RAB11FIP4: variants seen among roughly 807,000 people sequenced by gnomAD.
RAB11FIP4 encodes RAB11 family interacting protein 4.
RAB11FIP4 carries 23 observed loss-of-function variants against 74.3 expected under a neutral mutation model. The ratio of observed to expected loss-of-function variants is 0.31; its 90% CI spans 0.22 to 0.44. The LOEUF (loss-of-function observed/expected upper bound fraction) is 0.44, where lower values mean the gene tolerates loss of function less well. RAB11FIP4 is among the 20% of genes least tolerant of loss of function. RAB11FIP4 has a pLI of 1.00. For synonymous variants in RAB11FIP4, 360 were observed against 359.9 expected, an observed-to-expected ratio of 1.00 and a Z score of 0.00; for missense variants, 630 against 863.9, an observed-to-expected ratio of 0.73 and a Z score of 3.39.
intron 4 of RAB11FIP4, among the ~76,000 whole-genome samples, chr17:31,518,909 T>C (rs1183568275): frequency 6.6e-6 from 1 of 151,648 alleles, no homozygotes; most frequent in African/African-American, 2.4e-5. Flanking sequence ...CTCACCTCAC[T>C]GCAGCCTCCG....
At chr17:31,426,285 A>G (rs2071248974) in intron 1 of RAB11FIP4, among the ~76,000 whole-genome samples, 1 of 152,198 alleles carries the variant, frequency 6.6e-6, no homozygotes, top group Admixed American at 6.5e-5. Context: ...AATTTAAAAA[A>G]AGGAAAATAA....
At chr17:31,470,199 TG>T (rs2071724776) in intron 3 of RAB11FIP4, among the ~76,000 whole-genome samples, 2 of 152,182 alleles carry the variant, frequency 1.3e-5, no homozygotes, top group East Asian at 3.8e-4. Context: ...GTGACCTCCC[TG>T]GGGTAGCAGA....
intron 1 of RAB11FIP4, among the ~76,000 whole-genome samples, chr17:31,413,631 C>T (rs1352395104): frequency 6.6e-6 from 1 of 152,132 alleles, no homozygotes; most frequent in East Asian, 1.9e-4. Context: ...CCCACACCTG[C>T]TGTGTCAGTT....
chr17:31,524,885 GC>G, intron 9 of RAB11FIP4: 1 of 650,164 alleles, frequency 1.5e-6, no homozygotes, highest in South Asian at 1.9e-5. Flanking sequence ...TGACTGCCAG[GC>G]CTGCCCCTCC....
At chr17:31,459,592 G>A (rs1029926236) in intron 3 of RAB11FIP4, among the ~76,000 whole-genome samples, 20 of 152,058 alleles carry the variant, frequency 1.3e-4, no homozygotes, top group African/African-American at 4.3e-4. Flanking sequence ...CCACTCCCAC[G>A]CCTGATGGGT....
intron 2 of RAB11FIP4, among the ~76,000 whole-genome samples, chr17:31,432,659 C>A (rs1461731819): frequency 2.0e-5 from 3 of 152,160 alleles, no homozygotes; most frequent in African/African-American, 7.2e-5. Context: ...CATGCCCTGC[C>A]CTCTCTTCCT....
At chr17:31,392,114 G>A in intron 1 of RAB11FIP4, 103 bp downstream of exon 1, 1 of 919,402 alleles carries the variant, frequency 1.1e-6, no homozygotes. Flanking sequence ...CGAGGCGGTG[G>A]CCTCCCTCCC....
At chr17:31,490,261 C>G (rs975332800) in intron 3 of RAB11FIP4, among the ~76,000 whole-genome samples, 1 of 152,120 alleles carries the variant, frequency 6.6e-6, no homozygotes, top group Non-Finnish European at 1.5e-5. Flanking sequence ...TCTCTTTGGC[C>G]GTTCACCTGG....
At chr17:31,432,265 G>C (rs998608606) in intron 2 of RAB11FIP4, among the ~76,000 whole-genome samples, 6 of 152,078 alleles carry the variant, frequency 3.9e-5, no homozygotes, top group Admixed American at 2.6e-4. Flanking sequence ...GACCAGGGCA[G>C]TCCTGGGCAA....
chr17:31,493,326 G>C (rs2072048151), intron 3 of RAB11FIP4, among the ~76,000 whole-genome samples: 1 of 152,174 alleles, frequency 6.6e-6, no homozygotes. Context: ...ACCAGAAAGA[G>C]GAAGGCCTAA....
chr17:31,483,599 G>C (rs762043282), intron 3 of RAB11FIP4, among the ~76,000 whole-genome samples: 17 of 152,182 alleles, frequency 1.1e-4, no homozygotes, highest in Non-Finnish European at 2.1e-4. Context: ...TCCCTTTTGC[G>C]AAGTCTCCAC....
chr17:31,397,569 TG>T (rs1327864291), intron 1 of RAB11FIP4, among the ~76,000 whole-genome samples: 3 of 152,128 alleles, frequency 2.0e-5, no homozygotes, highest in South Asian at 4.2e-4. Flanking sequence ...GCAGAAAAGG[TG>T]GGAGTGCCTG....
chr17:31,464,749 CTTTT>C (rs58083480), intron 3 of RAB11FIP4, among the ~76,000 whole-genome samples: 98 of 39,632 alleles, frequency 2.5e-3, no homozygotes, highest in African/African-American at 9.0e-3. Flanking sequence ...CTGTGCCCGG[CTTTT>C]TTTTTTTTTT....
intron 3 of RAB11FIP4, among the ~76,000 whole-genome samples, chr17:31,441,673 G>A (rs535202463): frequency 3.2e-4 from 49 of 151,620 alleles, no homozygotes; most frequent in Non-Finnish European, 6.2e-4. Flanking sequence ...GATTACAGGC[G>A]CCCACGACCA....
intron 3 of RAB11FIP4, among the ~76,000 whole-genome samples, chr17:31,475,813 T>TC (rs2071786105): frequency 6.6e-6 from 1 of 151,210 alleles, no homozygotes; most frequent in African/African-American, 2.4e-5. Flanking sequence ...TTTTTTTTTT[T>TC]GGCGATTTTG....
intron 1 of RAB11FIP4, among the ~76,000 whole-genome samples, chr17:31,412,827 G>C (rs2071111082): frequency 6.6e-6 from 1 of 152,218 alleles, no homozygotes; most frequent in African/African-American, 2.4e-5. Context: ...TTCCGTGGTG[G>C]AGAGATTGAC....
chr17:31,413,432 C>A (rs2071117648), intron 1 of RAB11FIP4, among the ~76,000 whole-genome samples: 1 of 151,778 alleles, frequency 6.6e-6, no homozygotes. Flanking sequence ...CTTCCATAGG[C>A]CCCCCGAGAA....
chr17:31,471,913 A>G lies in RAB11FIP4; in HGVS notation c.336+37791A>G, dbSNP rs548500596. Among the ~76,000 whole-genome samples the G allele has an allele frequency of 6.0e-4, 92 of 152,256 alleles. 2 individuals are homozygous for G. In the Middle Eastern group the frequency reaches 0.01, roughly 17 times the overall value. ...CGCAGTGGCTCACGCCTGTAATCCC[A>G]GCACTTTGGGAGGCAGAGGTGGGTG... On this transcript the variant is annotated intron_variant, in intron 3 of 14. Transcript: ENST00000621161.
rs373934500 is a variant in RAB11FIP4 at position 31,517,657 on chromosome 17, G to C, written c.343G>C (p.Glu115Gln). 4 of 1,602,518 alleles carry C rather than the reference G, an allele frequency of 2.5e-6. No homozygotes were observed. The African/African-American group carries it at 5.3e-5, about 21-fold the overall frequency. ...EIPDCVEQGS[E>Q]VTGPTFADGE... is the part of the protein sequence containing the mutation. ...TCTGCTCTCTCTTTCCCAGGGCAGC[G>C]AGGTCACAGGCCCCACCTTTGCTGA... The change falls in exon 4 of 15, where the codon GAG becomes CAG. Residue 115 changes from glutamate to glutamine, a missense_variant. By Grantham distance (29) the Glu-to-Gln change is conservative. Transcript: ENST00000621161.
Sources: allele counts gnomAD v4.1 joint callset (sites outside exome capture counted in the v4.1 genomes callset), GRCh38; gene constraint gnomAD v4.1.1; transcripts MANE v1.5; gene names NCBI Gene and HGNC (gene_info 2026-07-23, HGNC 2026-07-21).